The following SLC47A1 variants were observed in gnomAD, a reference collection of about 807,000 sequenced individuals.
The protein encoded by SLC47A1 is multidrug and toxin extrusion protein 1.
Under a neutral mutation model 65.8 loss-of-function variants are expected in SLC47A1, and 58 were observed. The observed-to-expected ratio is 0.88, with a 90% CI of 0.71 to 1.10. SLC47A1 has a LOEUF of 1.10. Among genes scored for constraint, SLC47A1 ranks in the 50% least tolerant of loss-of-function variants. The pLI is 0.00. For missense variants in SLC47A1, 706 were observed against 719.2 expected, an observed-to-expected ratio of 0.98 and a Z score of 0.21; for synonymous variants, 285 against 295.0, an observed-to-expected ratio of 0.97 and a Z score of 0.35.
At chr17:19,572,902 G>A in intron 16 of SLC47A1, 41 bp downstream of exon 16, 1 of 1,570,674 alleles carries the variant, frequency 6.4e-7, no homozygotes, top group Middle Eastern at 1.7e-4. Flanking sequence ...GGCCTGTCTA[G>A]GTAGGACTGG....
At position 19,550,878 on chromosome 17, in the gene SLC47A1, G is replaced by A. The variant is rs530353304; in HGVS notation, c.499-546G>A. Among the ~76,000 whole-genome samples, 8 of 152,174 alleles carry A rather than the reference G, an allele frequency of 5.3e-5. No individual in the cohort carries two copies. The East Asian group carries it at 9.7e-4, about 18-fold the overall frequency. On this transcript the variant is annotated intron_variant, in intron 5 of 16. Coordinates refer to ENST00000270570, the MANE Select transcript of SLC47A1 (RefSeq NM_018242.3). ...ATCCCCTGTCTTCTTATGAGGACAC[G>A]AGTCCTATTGGATTAGGGCCCCACC...
intron 3 of SLC47A1, among the ~76,000 whole-genome samples, chr17:19,547,716 CTTTTTTTTTTTTTTTT>C (rs1180263887): frequency 1.5e-5 from 1 of 68,578 alleles, no homozygotes; most frequent in East Asian, 4.7e-4. Flanking sequence ...CCATGGGCTT[CTTTTTTTTTTTTTTTT>C]TTTTTTTTGA....
rs780370795 is a variant in SLC47A1, at chr17:19,560,263, CG to C, written c.999del (p.Lys334SerfsTer8). Reference protein sequence around the residue: ...ALGAGDMEQARKSSTVSLLIT... With the variant: ...ALGAGDMEQAXKSSTVSLLIT... ...GGGTGCTGGAGACATGGAGCAGGCA[CG>C]GAAGTCCTCTACCGTTTCCCTGCTG... On this transcript the variant is annotated frameshift_variant, in exon 11 of 17. Coordinates refer to ENST00000270570, the MANE Select transcript of SLC47A1 (RefSeq NM_018242.3). LOFTEE classifies it high-confidence loss of function. The C allele has an allele frequency of 6.2e-7, 1 of 1,613,856 alleles. No homozygotes were observed. Among genetic ancestry groups the C allele is most frequent in the Non-Finnish European group, 8.5e-7 (1 of 1,179,958 alleles).
At chr17:19,536,142 C>T (rs1319573617) in intron 1 of SLC47A1, among the ~76,000 whole-genome samples, 1 of 151,944 alleles carries the variant, frequency 6.6e-6, no homozygotes, top group East Asian at 1.9e-4. Flanking sequence ...CCCTGTGTTG[C>T]CCATTGCTTG....
At chr17:19,549,826 C>T in intron 5 of SLC47A1, 149 bp downstream of exon 5, 1 of 832,184 alleles carries the variant, frequency 1.2e-6, no homozygotes, top group Non-Finnish European at 2.0e-6. Context: ...TTTATTTATG[C>T]CTGTTAAGGA....
chr17:19,542,148 G>T (rs1916166242), intron 1 of SLC47A1, among the ~76,000 whole-genome samples: 1 of 151,936 alleles, frequency 6.6e-6, no homozygotes, highest in Admixed American at 6.6e-5. Context: ...AGCTGAAAAG[G>T]CTGGGAAGTT....
intron 4 of SLC47A1, among the ~76,000 whole-genome samples, 179 bp downstream of exon 4, chr17:19,548,312 C>T (rs1296458855): frequency 2.0e-5 from 3 of 152,158 alleles, no homozygotes; most frequent in Non-Finnish European, 4.4e-5. Context: ...TACTCCCCCT[C>T]GCCTCCTGGG....
At chr17:19,548,177 G>C (rs553479659) in intron 4 of SLC47A1, 44 bp downstream of exon 4, 3 of 1,588,874 alleles carry the variant, frequency 1.9e-6, no homozygotes, top group Non-Finnish European at 1.7e-6. Flanking sequence ...TCCATCCCAC[G>C]GAAAGATTAT....
intron 6 of SLC47A1, among the ~76,000 whole-genome samples, chr17:19,554,880 A>G (rs551912341): frequency 2.0e-5 from 3 of 152,210 alleles, no homozygotes; most frequent in African/African-American, 7.2e-5. Flanking sequence ...CCAGTGTCAA[A>G]GGTGCCTTGT....
chr17:19,571,942 T>A (rs2084402969), intron 15 of SLC47A1, among the ~76,000 whole-genome samples: 3 of 152,202 alleles, frequency 2.0e-5, no homozygotes, highest in African/African-American at 7.2e-5. Flanking sequence ...CTTGTGTGCA[T>A]CCTTCCCTTC....
At chr17:19,545,317 C>T (rs898437698) in intron 2 of SLC47A1, among the ~76,000 whole-genome samples, 2 of 151,982 alleles carry the variant, frequency 1.3e-5, no homozygotes, top group Non-Finnish European at 2.9e-5. Flanking sequence ...GCCTCAGCCT[C>T]CTGAGTAGCT....
Position 19,548,130 on chromosome 17 carries a change from C to T in SLC47A1, c.452C>T (p.Ser151Phe), listed in dbSNP as rs143542564. 5.0e-5 allele frequency: 81 copies of T among 1,611,826 alleles called. No homozygotes were observed. The highest frequency in any genetic ancestry group is 4.9e-4 in the Middle Eastern group (3 of 6,078). The change falls in exon 4 of 17, where the codon TCC (serine) becomes TTC (phenylalanine). Residue 151 changes from serine to phenylalanine, a missense_variant. By Grantham distance (155) the Ser-to-Phe change is radical. Transcript: ENST00000270570. ...CTCTTCAGGCAGGACCCAGATGTGTCCAGGTAAGATGGAACCTGTCGCAGC... is the reference window on the plus strand; with the variant it reads ...CTCTTCAGGCAGGACCCAGATGTGTTCAGGTAAGATGGAACCTGTCGCAGC... ...LLLFRQDPDV[S>F]RLTQTYVTIF...
chr17:19,577,192 A>G, intron 16 of SLC47A1, 135 bp from the exon 17 acceptor site: 1 of 1,251,732 alleles, frequency 8.0e-7, no homozygotes. Flanking sequence ...GATTTCTTTT[A>G]TTTATTCACT....
Position 19,555,292 on chromosome 17 carries a change from A to T in SLC47A1, c.624A>T (p.Gln208His). ...NALANYLFLH[Q>H]LHLGVIGSAL... Reference sequence around the variant, plus strand: ...TCGCCAACTATCTGTTTCTCCATCAACTGCATCTTGGGGTGATGTGAGTCC... The same window carrying T: ...TCGCCAACTATCTGTTTCTCCATCATCTGCATCTTGGGGTGATGTGAGTCC... Residue 208 changes from glutamine (Q) to histidine (H), a missense_variant, in exon 7 of 17, where the codon CAA (glutamine) becomes CAT (histidine). By Grantham distance (24) the Gln-to-His change is conservative. Transcript: ENST00000270570. 1 of 1,614,188 alleles carries T rather than the reference A, an allele frequency of 6.2e-7. No individual in the cohort carries two copies. Among genetic ancestry groups the T allele is most frequent in the Non-Finnish European group, 8.5e-7 (1 of 1,180,014 alleles).
At chr17:19,534,184 C>G (rs1162694707) in intron 1 of SLC47A1, 110 bp downstream of exon 1, 2 of 1,322,050 alleles carry the variant, frequency 1.5e-6, no homozygotes, top group African/African-American at 1.5e-5. Context: ...GAGCTGTCCG[C>G]CGGCGGGCTC....
chr17:19,549,609 GTTTTCT>G lies in SLC47A1; in HGVS notation c.456-16_456-11del, dbSNP rs1439340295. ...AACAGAGGCCTCCATCACAGTTTTTGTTTTCTTTTTCTTTTCGTTATTTAGGCTTAC... is the reference window on the plus strand; with the variant it reads ...AACAGAGGCCTCCATCACAGTTTTTGTTTTCTTTTCGTTATTTAGGCTTAC... On this transcript the variant is annotated intron_variant, in intron 4 of 16. Coordinates refer to ENST00000270570, the MANE Select transcript of SLC47A1 (RefSeq NM_018242.3). 1 of 1,612,622 alleles carries G rather than the reference GTTTTCT, an allele frequency of 6.2e-7. No individual in the cohort carries two copies.
chr17:19,574,311 C>T (rs1223848629), intron 16 of SLC47A1, among the ~76,000 whole-genome samples: 1 of 152,064 alleles, frequency 6.6e-6, no homozygotes, highest in Non-Finnish European at 1.5e-5. Flanking sequence ...TTGGTAGGTA[C>T]CCAAGTCGCC....
chr17:19,556,119 G>A, intron 10 of SLC47A1, 57 bp downstream of exon 10: 2 of 1,585,162 alleles, frequency 1.3e-6, no homozygotes, highest in Non-Finnish European at 1.7e-6. Flanking sequence ...CTTGGTATCT[G>A]AAAGAGTCTA....
chr17:19,544,176 C>G (rs568535454), intron 2 of SLC47A1, among the ~76,000 whole-genome samples: 10 of 152,160 alleles, frequency 6.6e-5, no homozygotes, highest in Non-Finnish European at 1.5e-4. Flanking sequence ...GAACTCCTGA[C>G]CTCGTGATCT....
Sources: gnomAD v4.1 joint callset for allele counts (sites outside exome capture counted in the v4.1 genomes callset) on GRCh38, gnomAD v4.1.1 for gene constraint, MANE v1.5 for transcripts, NCBI Gene and HGNC (gene_info 2026-07-23, HGNC 2026-07-21) for gene names.